Variants in HEMK2 observed in about 807,000 individuals in gnomAD.
The protein encoded by HEMK2 is methyltransferase HEMK2.
At chr21:28,771,518 A>ACCGC in the HEMK2 span, among the ~76,000 whole-genome samples, 1 of 105,594 alleles carries the variant, frequency 9.5e-6, no homozygotes, top group African/African-American at 3.4e-5. Flanking sequence ...AAGATGCACC[A>ACCGC]CCCCCCCCCG....
At chr21:28,698,370 T>C in the HEMK2 span, among the ~76,000 whole-genome samples, 1 of 152,206 alleles carries the variant, frequency 6.6e-6, no homozygotes, top group East Asian at 1.9e-4. Context: ...TTTAAATCGG[T>C]TAAAATGAAA....
the HEMK2 span, among the ~76,000 whole-genome samples, chr21:28,590,423 A>C: frequency 1.3e-5 from 2 of 152,218 alleles, no homozygotes; most frequent in Non-Finnish European, 2.9e-5. Context: ...AAAATAAAAA[A>C]AAACTGAATA....
the HEMK2 span, among the ~76,000 whole-genome samples, chr21:28,764,716 C>A: frequency 6.6e-6 from 1 of 152,090 alleles, no homozygotes; most frequent in South Asian, 2.1e-4. Flanking sequence ...CTTAAGGCTG[C>A]AGCTGTCAGG....
chr21:28,653,100 G>C, the HEMK2 span, among the ~76,000 whole-genome samples: 1 of 151,746 alleles, frequency 6.6e-6, no homozygotes, highest in Non-Finnish European at 1.5e-5. Flanking sequence ...GCCAACTCTC[G>C]GCACACTTCA....
the HEMK2 span, among the ~76,000 whole-genome samples, chr21:28,657,085 T>A: frequency 5.9e-5 from 9 of 152,140 alleles, no homozygotes; most frequent in Non-Finnish European, 1.2e-4. Context: ...ATTACATTCA[T>A]GTTTTCTCAA....
chr21:28,667,537 T>C, the HEMK2 span, among the ~76,000 whole-genome samples: 1 of 152,018 alleles, frequency 6.6e-6, no homozygotes, highest in South Asian at 2.1e-4. Flanking sequence ...TCAGACTGCT[T>C]TTCTAGGAGT....
the HEMK2 span, among the ~76,000 whole-genome samples, chr21:28,870,563 G>A: frequency 7.2e-5 from 11 of 151,946 alleles, no homozygotes; most frequent in African/African-American, 9.7e-5. Flanking sequence ...CACCACACTC[G>A]CTAATTTTTT....
At chr21:28,871,084 T>C in the HEMK2 span, among the ~76,000 whole-genome samples, 3 of 152,250 alleles carry the variant, frequency 2.0e-5, no homozygotes, top group African/African-American at 7.2e-5. Context: ...TGCAAATTTA[T>C]ACTTGTATTT....
chr21:28,780,560 C>G, the HEMK2 span, among the ~76,000 whole-genome samples: 1 of 151,994 alleles, frequency 6.6e-6, no homozygotes, highest in East Asian at 1.9e-4. Flanking sequence ...ATCTGCCCGC[C>G]TTGGCATCCC....
the HEMK2 span, among the ~76,000 whole-genome samples, chr21:28,760,822 T>A: frequency 6.6e-6 from 1 of 152,286 alleles, no homozygotes; most frequent in East Asian, 1.9e-4. Context: ...AGCCAACATT[T>A]GGTCTTCATT....
At chr21:28,767,672 G>A in the HEMK2 span, among the ~76,000 whole-genome samples, 4 of 152,078 alleles carry the variant, frequency 2.6e-5, no homozygotes, top group Non-Finnish European at 5.9e-5. Context: ...AGAGCCGAGA[G>A]GAGCATATGA....
chr21:28,669,295 G>A, the HEMK2 span, among the ~76,000 whole-genome samples: 26 of 151,814 alleles, frequency 1.7e-4, no homozygotes, highest in South Asian at 5.0e-3. Flanking sequence ...AGAGGCGGGG[G>A]CTGCAGTGAG....
At chr21:28,866,277 TCTGCAGACAGCCGAGATCACAATA>T in the HEMK2 span, among the ~76,000 whole-genome samples, 1 of 150,460 alleles carries the variant, frequency 6.6e-6, no homozygotes, top group Non-Finnish European at 1.5e-5. Context: ...AGAGGTCAAG[TCTGCAGACAGCCGAGATCACAATA>T]CTGCACTCCA....
At chr21:28,791,992 C>T in the HEMK2 span, among the ~76,000 whole-genome samples, 12 of 152,112 alleles carry the variant, frequency 7.9e-5, no homozygotes, top group South Asian at 1.0e-3. Context: ...AAGATGGCAA[C>T]GAAAGTGATC....
chr21:28,766,622 G>A, the HEMK2 span, among the ~76,000 whole-genome samples: 922 of 151,960 alleles, frequency 6.1e-3, 9 homozygotes, highest in African/African-American at 0.021. Flanking sequence ...ATCAACCAAC[G>A]AATAGATAAA....
At chr21:28,785,487 T>C in the HEMK2 span, among the ~76,000 whole-genome samples, 1 of 152,224 alleles carries the variant, frequency 6.6e-6, no homozygotes, top group East Asian at 1.9e-4. Context: ...CTTCTCCCTA[T>C]ATCCACAAGG....
chr21:28,605,140 C>T, the HEMK2 span, among the ~76,000 whole-genome samples: 1 of 152,230 alleles, frequency 6.6e-6, no homozygotes, highest in African/African-American at 2.4e-5. Context: ...AGCACCTCCA[C>T]ACAGCCAAGG....
the HEMK2 span, among the ~76,000 whole-genome samples, chr21:28,796,438 C>G: frequency 1.0e-3 from 159 of 152,298 alleles, 1 homozygote; most frequent in African/African-American, 3.5e-3. Context: ...CGACACCCAG[C>G]CAAATAAATG....
At chr21:28,681,505 C>G in the HEMK2 span, among the ~76,000 whole-genome samples, 2 of 152,000 alleles carry the variant, frequency 1.3e-5, no homozygotes, top group Non-Finnish European at 2.9e-5. Context: ...CAATGCCATC[C>G]CCATCAAGCT....
Sources: allele counts gnomAD v4.1 joint callset (sites outside exome capture counted in the v4.1 genomes callset), GRCh38; gene constraint gnomAD v4.1.1; transcripts MANE v1.5; gene names NCBI Gene and HGNC (gene_info 2026-07-23, HGNC 2026-07-21).